SEPTIN14: variants seen among roughly 807,000 people sequenced by gnomAD.
The protein encoded by SEPTIN14 is septin 14.
In SEPTIN14, 40 loss-of-function variants were observed where a neutral mutation model predicts 53.6. The observed-to-expected ratio is 0.75, with a 90% CI of 0.58 to 0.97. The LOEUF is 0.97. SEPTIN14 is among the 50% of genes least tolerant of loss of function. The pLI is 0.00. For missense variants in SEPTIN14, 471 were observed against 508.2 expected (o/e 0.93, Z 0.70); for synonymous variants, 138 against 166.8 (o/e 0.83, Z 1.33).
At chr7:55,859,756 T>A (rs1789709613) in intron 2 of SEPTIN14, among the ~76,000 whole-genome samples, 1 of 152,014 alleles carries the variant, frequency 6.6e-6, no homozygotes, top group Non-Finnish European at 1.5e-5. Flanking sequence ...GGAAAAAAAA[T>A]CAGTATATAG....
chr7:55,856,977 C>T (rs567469836), intron 2 of SEPTIN14, among the ~76,000 whole-genome samples: 4 of 148,628 alleles, frequency 2.7e-5, no homozygotes, highest in African/African-American at 9.9e-5. Context: ...GGCTGAGGCA[C>T]GAGAATCGGT....
intron 3 of SEPTIN14, among the ~76,000 whole-genome samples, chr7:55,845,411 T>C (rs1318763998): frequency 1.3e-5 from 2 of 152,208 alleles, no homozygotes; most frequent in Non-Finnish European, 2.9e-5. Context: ...TGCAGGAACA[T>C]GGATGGAGCT....
intron 2 of SEPTIN14, among the ~76,000 whole-genome samples, chr7:55,854,120 CA>C (rs879675569): frequency 6.7e-4 from 93 of 137,886 alleles, no homozygotes; most frequent in Admixed American, 1.8e-3. Flanking sequence ...AACCCTGTCT[CA>C]AAAAAAAAAA....
chr7:55,857,098 C>A (rs1279774484), intron 2 of SEPTIN14, among the ~76,000 whole-genome samples: 1 of 149,892 alleles, frequency 6.7e-6, no homozygotes, highest in African/African-American at 2.5e-5. Context: ...ACAGGATGGG[C>A]GTGGTGGCTT....
chr7:55,830,340 TATA>T (rs1194612520), intron 6 of SEPTIN14, among the ~76,000 whole-genome samples: 1,897 of 37,542 alleles, frequency 0.051, 72 homozygotes, highest in East Asian at 0.18. Flanking sequence ...TATATATATA[TATA>T]TATATATTTT....
chr7:55,847,884 T>G (rs1789440714), intron 2 of SEPTIN14, among the ~76,000 whole-genome samples: 1 of 151,730 alleles, frequency 6.6e-6, no homozygotes, highest in Non-Finnish European at 1.5e-5. Context: ...AAAAGATCAT[T>G]CATTTTTTAT....
intron 6 of SEPTIN14, among the ~76,000 whole-genome samples, chr7:55,830,942 AT>A (rs200072069): frequency 0.012 from 1,866 of 152,232 alleles, 45 homozygotes; most frequent in African/African-American, 0.042. Flanking sequence ...AATTTATGGA[AT>A]TTTTGGATTG....
intron 5 of SEPTIN14, among the ~76,000 whole-genome samples, chr7:55,839,756 C>A (rs1349271477): frequency 1.3e-5 from 2 of 152,134 alleles, no homozygotes; most frequent in East Asian, 3.9e-4. Flanking sequence ...AGTTGTCTCC[C>A]CCAGCAACCA....
chr7:55,826,100 CAAA>C (rs756995660), intron 6 of SEPTIN14, among the ~76,000 whole-genome samples: 1 of 120,292 alleles, frequency 8.3e-6, no homozygotes, highest in Non-Finnish European at 1.8e-5. Context: ...GACTCCGTCT[CAAA>C]AAAAAAAAAA....
chr7:55,807,072 A>G lies in SEPTIN14; in HGVS notation c.986+18T>C, dbSNP rs1337760504. On this transcript the variant is annotated intron_variant, in intron 8 of 9. Transcript: ENST00000388975. The stretch of plus-strand genomic sequence containing the variant: ...CCTAAATTATCCATTTGGTTGTGCT[A>G]GCAATATTTTTACTCACCTAACTGG... 6.4e-7 allele frequency: 1 copy of G among 1,555,714 alleles called. No homozygotes were observed. The highest frequency in any genetic ancestry group is 8.6e-7 in the Non-Finnish European group (1 of 1,157,174).
In SEPTIN14 at chr7:55,819,289, T is replaced by C. The variant is rs1180518921; in HGVS notation, c.721-66A>G. On this transcript the variant is annotated intron_variant, in intron 6 of 9. Transcript: ENST00000388975. ...ATTAGAGCTTACTCTATTACTCTCA[T>C]TCCTGTTATAAAAATGACAGGCCAG... 4 of 1,163,008 alleles carry C rather than the reference T, an allele frequency of 3.4e-6. No individual in the cohort carries two copies. In the South Asian group the frequency reaches 3.9e-5, roughly 11 times the overall value. 72.0% of individuals were successfully genotyped at this position (1,163,008 alleles called of 1,614,324 possible).
rs1789367896 is a variant in SEPTIN14 at position 55,844,552 on chromosome 7, C to T, written c.342G>A (p.Gly114=). ...QLKLTVVETV[G]YGDQIDKEAS... The stretch of plus-strand genomic sequence containing the variant: ...CTTCTTTGTCTATTTGATCACCATA[C>T]CCTACTGTCTCCACAACAGTCAATT... Residue 114 remains glycine (G), a synonymous_variant, in exon 4 of 10, where the codon GGG becomes GGA. Transcript: ENST00000388975. 1.3e-6 allele frequency: 2 copies of T among 1,586,468 alleles called. No homozygotes were observed. Among genetic ancestry groups the T allele is most frequent in the Admixed American group, 1.7e-5 (1 of 59,340 alleles).
intron 2 of SEPTIN14, among the ~76,000 whole-genome samples, chr7:55,853,525 C>T (rs1364505046): frequency 6.6e-6 from 1 of 151,984 alleles, no homozygotes; most frequent in Admixed American, 6.6e-5. Flanking sequence ...TTACCAGAGG[C>T]TAAGAAGGGT....
At chr7:55,819,920 AAAC>A (rs1315840356) in intron 6 of SEPTIN14, among the ~76,000 whole-genome samples, 1 of 151,958 alleles carries the variant, frequency 6.6e-6, no homozygotes, top group Admixed American at 6.6e-5. Flanking sequence ...AAAATATTAA[AAAC>A]AACTACAACT....
chr7:55,823,315 G>A (rs1188062578), intron 6 of SEPTIN14, among the ~76,000 whole-genome samples: 5 of 151,888 alleles, frequency 3.3e-5, no homozygotes, highest in African/African-American at 7.3e-5. Context: ...GCATGCACTC[G>A]CCTATTCTGA....
intron 6 of SEPTIN14, 119 bp from the exon 7 acceptor site, chr7:55,819,342 C>A: frequency 4.2e-6 from 3 of 718,170 alleles, no homozygotes; most frequent in Non-Finnish European, 7.1e-6. Context: ...GTAATCCCAG[C>A]ACTTTGGGAG....
At chr7:55,830,345 A>ATTTTTTT (rs1337453699) in intron 6 of SEPTIN14, among the ~76,000 whole-genome samples, 9 of 40,100 alleles carry the variant, frequency 2.2e-4, no homozygotes, top group Admixed American at 9.5e-4. Context: ...ATATATATAT[A>ATTTTTTT]TATATTTTTT....
chr7:55,841,425 CT>C (rs1789309047), intron 5 of SEPTIN14, among the ~76,000 whole-genome samples: 1 of 151,974 alleles, frequency 6.6e-6, no homozygotes, highest in Admixed American at 6.6e-5. Flanking sequence ...AATACTGAAA[CT>C]TTTTTTATGT....
In SEPTIN14 at chr7:55,847,127, C is replaced by G. The variant is rs185402026; in HGVS notation, c.55-490G>C. Among the ~76,000 whole-genome samples the G allele has an allele frequency of 2.8e-3, 425 of 152,138 alleles. 5 individuals are homozygous for G. The highest frequency in any genetic ancestry group is 0.01 in the Middle Eastern group (3 of 294). ...GGAGGCTGAGGCAGGAGAATCACTTCAACCCGGGAGGGGGAGGTTGCAGTG... is the reference window on the plus strand; with the variant it reads ...GGAGGCTGAGGCAGGAGAATCACTTGAACCCGGGAGGGGGAGGTTGCAGTG... On this transcript the variant is annotated intron_variant, in intron 2 of 9. Coordinates refer to ENST00000388975, the MANE Select transcript of SEPTIN14 (RefSeq NM_207366.3).
Sources: gnomAD v4.1 joint callset for allele counts (sites outside exome capture counted in the v4.1 genomes callset) on GRCh38, gnomAD v4.1.1 for gene constraint, MANE v1.5 for transcripts, NCBI Gene and HGNC (gene_info 2026-07-23, HGNC 2026-07-21) for gene names.